The following RALGAPA2 variants were observed in gnomAD, a reference collection of about 807,000 sequenced individuals.
The protein encoded by RALGAPA2 is ral GTPase-activating protein subunit alpha-2.
In RALGAPA2, 139 loss-of-function variants were observed where a neutral mutation model predicts 230.4. That is an observed-to-expected ratio of 0.60 (90% CI 0.53 to 0.69). RALGAPA2 has a LOEUF of 0.69. Ranked by LOEUF, RALGAPA2 falls within the 30% of genes least tolerant of loss-of-function variation. The pLI is 0.00. For missense variants in RALGAPA2, 2,163 were observed against 2,276.0 expected, an observed-to-expected ratio of 0.95 and a Z score of 1.01; for synonymous variants, 847 against 837.8, an observed-to-expected ratio of 1.01 and a Z score of -0.19.
intron 3 of RALGAPA2, among the ~76,000 whole-genome samples, chr20:20,673,455 G>A (rs948507784): frequency 2.0e-5 from 3 of 151,734 alleles, no homozygotes; most frequent in Non-Finnish European, 4.4e-5. Context: ...AAACTGAAGG[G>A]ATTATGACTC....
chr20:20,699,399 C>G (rs1235889592), intron 1 of RALGAPA2, among the ~76,000 whole-genome samples: 4 of 152,188 alleles, frequency 2.6e-5, no homozygotes, highest in Non-Finnish European at 4.4e-5. Flanking sequence ...TATACCACGT[C>G]AAGCCTAACT....
chr20:20,534,539 T>A (rs866133119), intron 26 of RALGAPA2, among the ~76,000 whole-genome samples: 3 of 151,612 alleles, frequency 2.0e-5, no homozygotes, highest in Admixed American at 6.6e-5. Flanking sequence ...AAAAGTTTGG[T>A]TTATCAGTAC....
At chr20:20,598,587 G>A (rs901282351) in intron 16 of RALGAPA2, 4 of 356,262 alleles carry the variant, frequency 1.1e-5, no homozygotes, top group Non-Finnish European at 2.3e-5. Flanking sequence ...GCACGTGTGT[G>A]ATGTGGGGAT....
In RALGAPA2 at chr20:20,505,525, T is replaced by C; in HGVS notation, c.4938A>G (p.Thr1646=). 1 of 1,589,380 alleles carries C rather than the reference T, an allele frequency of 6.3e-7. No homozygotes were observed. The highest frequency in any genetic ancestry group is 8.6e-7 in the Non-Finnish European group (1 of 1,168,922). Residue 1646 remains threonine (T), a synonymous_variant, in exon 34 of 40, where the codon ACA becomes ACG. Coordinates refer to ENST00000202677, the MANE Select transcript of RALGAPA2 (RefSeq NM_020343.4). The part of the protein sequence containing the change: ...KNLDSRQCRE[T]HKIAVFYIAE... ...CAATGTAAAACACTGCGATTTTGTG[T>C]GTCTCACGGCTATAAATTTTTAAAT...
At chr20:20,439,021 C>T (rs186728809) in intron 37 of RALGAPA2, among the ~76,000 whole-genome samples, 238 of 152,290 alleles carry the variant, frequency 1.6e-3, no homozygotes, top group African/African-American at 5.5e-3. Flanking sequence ...CTCTAGCAGG[C>T]CCTGTACTAA....
chr20:20,638,171 G>A (rs1203417726), intron 7 of RALGAPA2, among the ~76,000 whole-genome samples: 1 of 152,232 alleles, frequency 6.6e-6, no homozygotes, highest in Non-Finnish European at 1.5e-5. Context: ...CCGCCCCTCA[G>A]GAGCCAGGAG....
intron 37 of RALGAPA2, among the ~76,000 whole-genome samples, chr20:20,468,174 AAG>A (rs1350060761): frequency 2.6e-5 from 4 of 152,220 alleles, no homozygotes; most frequent in Non-Finnish European, 4.4e-5. Flanking sequence ...CATCTCTCAG[AAG>A]AGAGATGAGA....
Position 20,636,656 on chromosome 20 carries a change from C to T in RALGAPA2, c.805+707G>A, listed in dbSNP as rs138957280. The stretch of plus-strand genomic sequence containing the variant: ...CATGTTCCCCAAAAAAGTAACATCT[C>T]GTGTCACCACTTCCCCTCCAAAACT... On this transcript the variant is annotated intron_variant, in intron 8 of 39. Coordinates refer to ENST00000202677, the MANE Select transcript of RALGAPA2 (RefSeq NM_020343.4). 4.6e-5 allele frequency among the ~76,000 whole-genome samples: 7 copies of T among 152,160 alleles called. No homozygotes were observed. In the East Asian group the frequency reaches 1.2e-3, roughly 25 times the overall value.
At chr20:20,638,218 T>A (rs1298451476) in intron 7 of RALGAPA2, among the ~76,000 whole-genome samples, 1 of 152,112 alleles carries the variant, frequency 6.6e-6, no homozygotes, top group East Asian at 1.9e-4. Context: ...ACCCCCAACA[T>A]GACTTAGGGA....
intron 1 of RALGAPA2, among the ~76,000 whole-genome samples, chr20:20,710,754 C>T (rs2069823553): frequency 6.6e-6 from 1 of 152,224 alleles, no homozygotes; most frequent in Non-Finnish European, 1.5e-5. Flanking sequence ...ATAACCTGAT[C>T]TAGGTTTACT....
Position 20,458,063 on chromosome 20 carries a change from T to C in RALGAPA2, c.5495+14766A>G, listed in dbSNP as rs571595967. The stretch of plus-strand genomic sequence containing the variant: ...GCCCTGGCTGATGCTCCGAGGAGAC[T>C]GGGGAGGAGGCCACGGTCAGCAATG... On this transcript the variant is annotated intron_variant, in intron 37 of 39. Transcript: ENST00000202677. Among the ~76,000 whole-genome samples the C allele has an allele frequency of 1.2e-3, 177 of 152,264 alleles. 1 individual carries two copies. Among genetic ancestry groups the C allele is most frequent in the African/African-American group, 4.2e-3 (175 of 41,552 alleles).
intron 37 of RALGAPA2, among the ~76,000 whole-genome samples, chr20:20,465,441 C>G (rs554596111): frequency 6.6e-6 from 1 of 152,152 alleles, no homozygotes; most frequent in South Asian, 2.1e-4. Flanking sequence ...TAGGGGTCAT[C>G]CCAGTGGGAA....
intron 20 of RALGAPA2, among the ~76,000 whole-genome samples, chr20:20,581,133 G>A (rs1192750185): frequency 6.6e-6 from 1 of 152,138 alleles, no homozygotes; most frequent in Non-Finnish European, 1.5e-5. Flanking sequence ...AGTATTTGGA[G>A]GAGTTAATCA....
At chr20:20,652,566 T>C (rs1180125074) in intron 4 of RALGAPA2, among the ~76,000 whole-genome samples, 2 of 152,212 alleles carry the variant, frequency 1.3e-5, no homozygotes, top group African/African-American at 4.8e-5. Flanking sequence ...AATGAATGAA[T>C]GATCAAACAG....
Position 20,391,278 on chromosome 20 carries a change from T to A in RALGAPA2, c.*2011A>T, listed in dbSNP as rs2059598758. ...AGCTATGCTGCCCAGATGTCTGGAA[T>A]CATTTAAAATAAAGGGGCATTTGCT... On this transcript the variant is annotated 3_prime_UTR_variant, in exon 40 of 40. Transcript: ENST00000202677. 6.6e-6 allele frequency: 1 copy of A among 152,088 alleles called. No individual in the cohort carries two copies. Among genetic ancestry groups the A allele is most frequent in the Non-Finnish European group, 1.5e-5 (1 of 68,046 alleles). The allele number at this position is 152,088 out of a possible 1,614,324, so 9.4% of individuals were successfully genotyped here. A position where few individuals can be genotyped will look rare whatever the true frequency, so the allele number is the denominator to read the frequency against.
intron 35 of RALGAPA2, among the ~76,000 whole-genome samples, chr20:20,497,764 C>G (rs370139868): frequency 6.6e-6 from 1 of 152,198 alleles, no homozygotes; most frequent in East Asian, 1.9e-4. Flanking sequence ...TAGTTTCACA[C>G]TAACAGACCC....
Position 20,495,100 on chromosome 20 carries a change from A to AT in RALGAPA2, c.5367+16dup. On this transcript the variant is annotated intron_variant, in intron 36 of 39. Transcript: ENST00000202677. ...AAATGCTTTATGAGTCAGTACAACA[A>AT]TGCAATGAAAACGTACCTCAGGTTT... 1 of 1,586,080 alleles carries AT rather than the reference A, an allele frequency of 6.3e-7. No homozygotes were observed. The highest frequency in any genetic ancestry group is 8.6e-7 in the Non-Finnish European group (1 of 1,158,110).
intron 35 of RALGAPA2, among the ~76,000 whole-genome samples, chr20:20,499,461 A>C (rs924517979): frequency 4.6e-5 from 7 of 152,248 alleles, no homozygotes; most frequent in African/African-American, 1.7e-4. Context: ...AAGCAGAAAC[A>C]ATTTACAATG....
chr20:20,537,815 C>T (rs2063537584), intron 24 of RALGAPA2, among the ~76,000 whole-genome samples: 1 of 152,162 alleles, frequency 6.6e-6, no homozygotes, highest in Non-Finnish European at 1.5e-5. Context: ...GTGCTAGGCA[C>T]TCTTCTAAGT....
Sources: gnomAD v4.1 joint callset for allele counts (sites outside exome capture counted in the v4.1 genomes callset) on GRCh38, gnomAD v4.1.1 for gene constraint, MANE v1.5 for transcripts, NCBI Gene and HGNC (gene_info 2026-07-23, HGNC 2026-07-21) for gene names.